The following RMDN1 variants were observed in gnomAD, a reference collection of about 807,000 sequenced individuals.
RMDN1 encodes the protein regulator of microtubule dynamics protein 1.
Under a neutral mutation model 48.9 loss-of-function variants are expected in RMDN1, and 48 were observed. That is an observed-to-expected ratio of 0.98 (90% CI 0.78 to 1.25). RMDN1 has a LOEUF of 1.25. Among genes scored for constraint, RMDN1 ranks in the 50% most tolerant of loss-of-function variants. The pLI is 0.00. For synonymous variants in RMDN1, 148 were observed against 132.6 expected (o/e 1.12, Z -0.80); for missense variants, 418 against 373.4 (o/e 1.12, Z -0.98).
intron 1 of RMDN1, 60 bp downstream of exon 1, chr8:86,508,432 G>A (rs544707824): frequency 2.7e-6 from 4 of 1,496,294 alleles, no homozygotes; most frequent in Non-Finnish European, 3.6e-6. Flanking sequence ...CTTAAGTTAA[G>A]GGGGAGCCGG....
rs1232731333 is a variant in RMDN1, at chr8:86,483,053, G to A, written c.585+1819C>T. On this transcript the variant is annotated intron_variant, in intron 5 of 9. Transcript: ENST00000406452. Reference sequence around the variant, plus strand: ...GTTTAATTTTCTTATGAGAAGGGTTGAGAGGGGTACTTTCAAGCAAACTCT... The same window carrying A: ...GTTTAATTTTCTTATGAGAAGGGTTAAGAGGGGTACTTTCAAGCAAACTCT... The A allele has an allele frequency of 1.4e-5, 7 of 506,128 alleles. No homozygotes were observed. In the South Asian group the frequency reaches 1.7e-4, roughly 12 times the overall value. The allele number at this position is 506,128 out of a possible 1,614,324, so 31.4% of individuals were successfully genotyped here.
intron 2 of RMDN1, among the ~76,000 whole-genome samples, chr8:86,495,570 G>A (rs1817202058): frequency 6.6e-6 from 1 of 152,094 alleles, no homozygotes; most frequent in Non-Finnish European, 1.5e-5. Context: ...ACGGAATGGG[G>A]CCTATCTCAT....
chr8:86,508,243 G>A (rs371240464), intron 1 of RMDN1: 5 of 434,340 alleles, frequency 1.2e-5, no homozygotes, highest in Admixed American at 8.8e-5. Flanking sequence ...CAAGAAGGGC[G>A]GGTAGCAGGC....
At chr8:86,498,991 C>A (rs1459747548) in intron 2 of RMDN1, among the ~76,000 whole-genome samples, 6 of 152,096 alleles carry the variant, frequency 3.9e-5, no homozygotes, top group Non-Finnish European at 8.8e-5. Flanking sequence ...TCAAAAGACA[C>A]AGAAAAGGCT....
chr8:86,478,826 T>C, intron 7 of RMDN1, 97 bp downstream of exon 7: 1 of 912,634 alleles, frequency 1.1e-6, no homozygotes, highest in Non-Finnish European at 1.8e-6. Context: ...ATTGCTCAAG[T>C]CCCTCACTGA....
In RMDN1 at chr8:86,473,921, A is replaced by G; in HGVS notation, c.*387T>C. ...CACCACACCTTCTCTTCAAGATTTC[A>G]ACTTAGAATCAATCCAATTTGAAAA... On this transcript the variant is annotated 3_prime_UTR_variant, in exon 10 of 10. Coordinates refer to ENST00000406452, the MANE Select transcript of RMDN1 (RefSeq NM_016033.3). The G allele has an allele frequency of 1.0e-6, 1 of 1,004,400 alleles. No homozygotes were observed. The allele number at this position is 1,004,400 out of a possible 1,614,324, so 62.2% of individuals were successfully genotyped here.
downstream of RMDN1, among the ~76,000 whole-genome samples, chr8:86,472,044 T>TA (rs1812641768): frequency 6.6e-6 from 1 of 152,238 alleles, no homozygotes; most frequent in Admixed American, 6.5e-5. Context: ...AGAGAACTGT[T>TA]AACTTCTCCA....
chr8:86,478,837 A>G lies in RMDN1; in HGVS notation c.729+86T>C, dbSNP rs1029927275. 9 of 1,050,082 alleles carry G rather than the reference A, an allele frequency of 8.6e-6. No individual in the cohort carries two copies. The African/African-American group carries it at 1.3e-4, about 15-fold the overall frequency. The allele number at this position is 1,050,082 out of a possible 1,614,324, so 65.0% of individuals were successfully genotyped here. A position where few individuals can be genotyped will look rare whatever the true frequency, so the allele number is the denominator to read the frequency against. ...AGAAATTGCTCAAGTCCCTCACTGAATCAGAGCTCCACATGTGTGAACACA... is the reference window on the plus strand; with the variant it reads ...AGAAATTGCTCAAGTCCCTCACTGAGTCAGAGCTCCACATGTGTGAACACA... On this transcript the variant is annotated intron_variant, in intron 7 of 9. Transcript: ENST00000406452.
chr8:86,492,775 A>G (rs1216125850), intron 2 of RMDN1, among the ~76,000 whole-genome samples: 2 of 151,832 alleles, frequency 1.3e-5, no homozygotes, highest in African/African-American at 4.8e-5. Flanking sequence ...AAATATAGAT[A>G]TAACCATTTT....
At chr8:86,469,136 G>C (rs1164858200), downstream of RMDN1, among the ~76,000 whole-genome samples, 1 of 149,966 alleles carries the variant, frequency 6.7e-6, no homozygotes, top group Non-Finnish European at 1.5e-5. Flanking sequence ...TTAGTTGTTT[G>C]TCTTCCAGGG....
chr8:86,508,208 T>C (rs1179825965), intron 1 of RMDN1: 2 of 391,798 alleles, frequency 5.1e-6, no homozygotes, highest in African/African-American at 2.1e-5. Context: ...TCAAGGTTCT[T>C]TCCCGTCCTG....
At chr8:86,486,006 T>C (rs572643696) in intron 4 of RMDN1, among the ~76,000 whole-genome samples, 26 of 152,268 alleles carry the variant, frequency 1.7e-4, no homozygotes. Flanking sequence ...CTGAAAAACG[T>C]TGTTGTGAAC....
chr8:86,482,237 A>G (rs1388973062), intron 5 of RMDN1: 4 of 329,052 alleles, frequency 1.2e-5, no homozygotes, highest in Admixed American at 4.6e-5. Flanking sequence ...CGCTGTCTCT[A>G]CTAAAAATAT....
upstream of RMDN1, among the ~76,000 whole-genome samples, chr8:86,513,123 T>C (rs181741650): frequency 2.3e-3 from 350 of 151,630 alleles, 1 homozygote; most frequent in African/African-American, 8.3e-3. Context: ...ACCTGTAATC[T>C]CAGCACTTTG....
At chr8:86,493,119 T>C (rs904640130) in intron 2 of RMDN1, among the ~76,000 whole-genome samples, 1 of 152,078 alleles carries the variant, frequency 6.6e-6, no homozygotes, top group Non-Finnish European at 1.5e-5. Flanking sequence ...AAAAAAAGTG[T>C]TTCTGTATTT....
At position 86,508,492 on chromosome 8, in the gene RMDN1, C is replaced by G. The variant is rs530041497; in HGVS notation, c.129G>C (p.Glu43Asp). 12 of 1,546,898 alleles carry G rather than the reference C, an allele frequency of 7.8e-6. No homozygotes were observed. The East Asian group carries it at 2.5e-4, about 32-fold the overall frequency. Residue 43 changes from glutamate (E) to aspartate (D), a missense_variant and splice_region_variant, in exon 1 of 10, where the codon GAG (glutamate) becomes GAC (aspartate). Coordinates refer to ENST00000406452, the MANE Select transcript of RMDN1 (RefSeq NM_016033.3). ...GCGGGAGCCAGGACCACGGGGGTAC[C>G]TCGAAGCCGCGGAATCGACAGGGGC... Reference protein sequence around the residue: ...HCGPCRFRGFEVMGNPGTFKR... With the variant: ...HCGPCRFRGFDVMGNPGTFKR...
At chr8:86,501,376 G>A (rs915381276) in intron 2 of RMDN1, among the ~76,000 whole-genome samples, 5 of 152,092 alleles carry the variant, frequency 3.3e-5, no homozygotes, top group African/African-American at 1.2e-4. Context: ...ATTCAAAGAA[G>A]AAATAGAGAT....
chr8:86,512,416 C>A (rs1409142572), upstream of RMDN1, among the ~76,000 whole-genome samples: 1 of 152,212 alleles, frequency 6.6e-6, no homozygotes, highest in Admixed American at 6.5e-5. Flanking sequence ...TGTTTCTGCA[C>A]TGGCAGTTTG....
chr8:86,471,574 G>A (rs760546314), downstream of RMDN1, among the ~76,000 whole-genome samples: 4 of 151,966 alleles, frequency 2.6e-5, no homozygotes, highest in South Asian at 2.1e-4. Context: ...AAAAAAATTC[G>A]GAGAAAAAGA....
Sources: allele counts gnomAD v4.1 joint callset (sites outside exome capture counted in the v4.1 genomes callset), GRCh38; gene constraint gnomAD v4.1.1; transcripts MANE v1.5; gene names NCBI Gene and HGNC (gene_info 2026-07-23, HGNC 2026-07-21).